Variants in LYZL4 observed in about 807,000 individuals in gnomAD.
LYZL4 encodes the protein lysozyme like 4.
A neutral mutation model predicts 17.6 loss-of-function variants in LYZL4; 13 were observed. That is an observed-to-expected ratio of 0.74 (90% CI 0.48 to 1.18). The LOEUF (loss-of-function observed/expected upper bound fraction) is 1.18. Among genes scored for constraint, LYZL4 ranks in the 50% most tolerant of loss-of-function variants. The pLI is 0.00. For synonymous variants in LYZL4, 64 were observed against 67.7 expected, an observed-to-expected ratio of 0.95 and a Z score of 0.27; for missense variants, 174 against 188.2, an observed-to-expected ratio of 0.92 and a Z score of 0.44.
the LYZL4 span, among the ~76,000 whole-genome samples, chr3:42,386,395 GCCCCCCCC>G: frequency 1.7e-4 from 18 of 107,528 alleles, 2 homozygotes; most frequent in South Asian, 1.3e-3. Context: ...GAGCCACCAC[GCCCCCCCC>G]CCCCCCCCCG....
At chr3:42,370,888 C>T in the LYZL4 span, among the ~76,000 whole-genome samples, 2 of 152,202 alleles carry the variant, frequency 1.3e-5, no homozygotes, top group Admixed American at 6.5e-5. Flanking sequence ...AATTCAGAAC[C>T]TTCCTCATAC....
the LYZL4 span, among the ~76,000 whole-genome samples, chr3:42,371,538 A>T: frequency 2.0e-5 from 3 of 152,150 alleles, no homozygotes; most frequent in African/African-American, 7.2e-5. Context: ...CATAGCCATG[A>T]TTTTTTCACC....
chr3:42,365,724 G>T, the LYZL4 span, among the ~76,000 whole-genome samples: 4 of 152,178 alleles, frequency 2.6e-5, no homozygotes, highest in African/African-American at 9.7e-5. Flanking sequence ...CAGGGGAATG[G>T]AGAATTGGTA....
In LYZL4 at chr3:42,406,949, G is replaced by A. The variant is rs571590107; in HGVS notation, c.189C>T (p.Tyr63=). The A allele has an allele frequency of 5.0e-6, 8 of 1,614,210 alleles. No homozygotes were observed. The East Asian group carries it at 6.7e-5, about 13-fold the overall frequency. Residue 63 remains tyrosine, a synonymous_variant, in exon 3 of 5, where the codon TAC becomes TAT. Coordinates refer to ENST00000287748, the MANE Select transcript of LYZL4 (RefSeq NM_144634.4). ...CAGTGTAGCCCTCACGTGTGTTCTC[G>A]TAGATGGCCATGGGGTTGAACTTGC... ...FESKFNPMAI[Y]ENTREGYTGF...
At chr3:42,399,929 TAAGAGTAA>T (rs564563645) in intron 4 of LYZL4, among the ~76,000 whole-genome samples, 8,045 of 151,622 alleles carry the variant, frequency 0.053, 657 homozygotes, top group African/African-American at 0.18. Context: ...TTTTTGCCAT[TAAGAGTAA>T]TGGCAAAAAC....
chr3:42,373,558 T>A, the LYZL4 span, among the ~76,000 whole-genome samples: 4 of 152,266 alleles, frequency 2.6e-5, no homozygotes, highest in South Asian at 8.3e-4. Context: ...GGTGTGCATG[T>A]GTGTGTGCAG....
In LYZL4 at chr3:42,404,143, G is replaced by A; in HGVS notation, c.293-19C>T. ...AGTAAAGCTGTGGGGAAAAGAAAAT[G>A]GAAGATACCATGCTGCCATATGACA... On this transcript the variant is annotated intron_variant, in intron 3 of 4. Coordinates refer to ENST00000287748, the MANE Select transcript of LYZL4 (RefSeq NM_144634.4). The A allele has an allele frequency of 6.5e-7, 1 of 1,540,392 alleles. No individual in the cohort carries two copies. The highest frequency in any genetic ancestry group is 9.0e-7 in the Non-Finnish European group (1 of 1,113,344).
Position 42,397,270 on chromosome 3 carries a change from G to T in LYZL4, c.436C>A (p.Leu146Met), listed in dbSNP as rs1413055221. The change falls in exon 5 of 5, where the codon CTG becomes ATG. Residue 146 changes from leucine to methionine, a missense_variant. Leu to Met is a conservative substitution (Grantham distance 15). Transcript: ENST00000287748. ...TLARWLDGCK[L>M] ...TGCAGGGGCCATGCAGGTGGCTACA[G>T]CTTGCAACCATCCAGCCACCGTGCC... The T allele has an allele frequency of 6.4e-7, 1 of 1,564,284 alleles. No homozygotes were observed. The highest frequency in any genetic ancestry group is 1.4e-5 in the African/African-American group (1 of 73,656).
chr3:42,399,284 T>A (rs1698612152), intron 4 of LYZL4, among the ~76,000 whole-genome samples: 1 of 152,204 alleles, frequency 6.6e-6, no homozygotes, highest in Non-Finnish European at 1.5e-5. Flanking sequence ...CTCTCCAACG[T>A]TTAAATGCAC....
chr3:42,395,139 C>A (rs893778451), downstream of LYZL4, among the ~76,000 whole-genome samples: 5 of 152,154 alleles, frequency 3.3e-5, no homozygotes, highest in African/African-American at 1.2e-4. Context: ...GCTCAACAGT[C>A]GTTACTGAAC....
the LYZL4 span, among the ~76,000 whole-genome samples, chr3:42,370,896 T>C: frequency 6.6e-6 from 1 of 152,228 alleles, no homozygotes; most frequent in Non-Finnish European, 1.5e-5. Context: ...ACCTTCCTCA[T>C]ACGATCTGAA....
chr3:42,405,556 T>C (rs975941098), intron 3 of LYZL4, among the ~76,000 whole-genome samples: 1 of 151,942 alleles, frequency 6.6e-6, no homozygotes, highest in South Asian at 2.1e-4. Context: ...CACTCCAACC[T>C]CTCCACTCTG....
At chr3:42,364,341 C>CTT in the LYZL4 span, among the ~76,000 whole-genome samples, 1,493 of 119,810 alleles carry the variant, frequency 0.012, 55 homozygotes, top group African/African-American at 0.03. Context: ...TTTTTCTTTT[C>CTT]TTTTTTTTTT....
chr3:42,374,973 C>T, the LYZL4 span, among the ~76,000 whole-genome samples: 4 of 152,182 alleles, frequency 2.6e-5, no homozygotes, highest in Middle Eastern at 6.8e-3. Flanking sequence ...CCATACCTAG[C>T]TAATTTTTTG....
chr3:42,372,613 C>G, the LYZL4 span, among the ~76,000 whole-genome samples: 1 of 152,188 alleles, frequency 6.6e-6, no homozygotes, highest in Non-Finnish European at 1.5e-5. Context: ...ATTGTCCCCC[C>G]CAGCAAAGGG....
chr3:42,381,486 T>C, the LYZL4 span, among the ~76,000 whole-genome samples: 3 of 152,306 alleles, frequency 2.0e-5, no homozygotes, highest in South Asian at 4.1e-4. Flanking sequence ...CAAAGTCAAC[T>C]GGCTTAAAAC....
chr3:42,394,666 G>A (rs1698527921), downstream of LYZL4, among the ~76,000 whole-genome samples: 1 of 152,226 alleles, frequency 6.6e-6, no homozygotes, highest in Non-Finnish European at 1.5e-5. Flanking sequence ...TCTGCCCCCA[G>A]AATGAGTGCT....
the LYZL4 span, among the ~76,000 whole-genome samples, chr3:42,375,522 T>C: frequency 6.6e-6 from 1 of 152,184 alleles, no homozygotes; most frequent in East Asian, 1.9e-4. Context: ...GTCTACATAA[T>C]AGGATTTTAT....
At chr3:42,376,221 C>G in the LYZL4 span, among the ~76,000 whole-genome samples, 1 of 152,222 alleles carries the variant, frequency 6.6e-6, no homozygotes, top group Non-Finnish European at 1.5e-5. Flanking sequence ...GCAGTGGAAT[C>G]CACCCTTCGC....
Sources: allele counts gnomAD v4.1 joint callset (sites outside exome capture counted in the v4.1 genomes callset), GRCh38; gene constraint gnomAD v4.1.1; transcripts MANE v1.5; gene names NCBI Gene and HGNC (gene_info 2026-07-23, HGNC 2026-07-21).